The following SLC15A1 variants were observed in gnomAD, a reference collection of about 807,000 sequenced individuals.
SLC15A1 encodes the protein Caco-2 oligopeptide transporter.
Under a neutral mutation model 92.9 loss-of-function variants are expected in SLC15A1, and 83 were observed. The ratio of observed to expected loss-of-function variants is 0.89; its 90% CI spans 0.75 to 1.07. The LOEUF is 1.07. Among genes scored for constraint, SLC15A1 ranks in the 50% least tolerant of loss-of-function variants. The probability of loss-of-function intolerance (pLI) is 0.00; values close to 1 mark genes in which losing one functional copy is unlikely to be tolerated. For missense variants in SLC15A1, 857 were observed against 880.1 expected, an observed-to-expected ratio of 0.97 and a Z score of 0.33; for synonymous variants, 322 against 318.2, an observed-to-expected ratio of 1.01 and a Z score of -0.13.
At chr13:98,728,976 GTAA>G (rs1338385903) in intron 1 of SLC15A1, among the ~76,000 whole-genome samples, 2 of 7,416 alleles carry the variant, frequency 2.7e-4, no homozygotes, top group African/African-American at 7.4e-4. Flanking sequence ...GTAAGGCTCT[GTAA>G]AAAAAAAAAA....
chr13:98,708,967 CTT>C (rs61087152), intron 14 of SLC15A1, among the ~76,000 whole-genome samples, 200 bp from the exon 15 acceptor site: 102 of 126,670 alleles, frequency 8.1e-4, no homozygotes, highest in Non-Finnish European at 8.2e-4. Flanking sequence ...TGCATATTTA[CTT>C]TTTTTTTTTT....
At position 98,742,850 on chromosome 13, in the gene SLC15A1, A is replaced by G. The variant is rs575713034; in HGVS notation, c.4+9745T>C. Among the ~76,000 whole-genome samples the G allele has an allele frequency of 2.5e-3, 387 of 152,310 alleles. 2 individuals are homozygous for G. The highest frequency in any genetic ancestry group is 3.2e-3 in the Non-Finnish European group (216 of 68,024). ...CAGTGCAGTGGCACGATCATAGCTC[A>G]CTGCAGCCTTGAACTCCTGGGCTCA... On this transcript the variant is annotated intron_variant, in intron 1 of 22. Transcript: ENST00000376503.
At position 98,684,273 on chromosome 13, in the gene SLC15A1, C is replaced by A. The variant is rs910883447; in HGVS notation, c.*451G>T. ...TTAGAAAATAGCGTTCACGGCCGGG[C>A]GCGGTAGCTCAAGCCTGTAATCCCA... On this transcript the variant is annotated 3_prime_UTR_variant, in exon 23 of 23. Coordinates refer to ENST00000376503, the MANE Select transcript of SLC15A1 (RefSeq NM_005073.4). The A allele has an allele frequency of 1.9e-5, 3 of 155,734 alleles. No homozygotes were observed. The highest frequency in any genetic ancestry group is 7.3e-5 in the African/African-American group (3 of 41,372). 9.6% of individuals were successfully genotyped at this position (155,734 alleles called of 1,614,324 possible).
chr13:98,733,408 T>C (rs1047888232), intron 1 of SLC15A1, among the ~76,000 whole-genome samples: 6 of 152,350 alleles, frequency 3.9e-5, no homozygotes, highest in African/African-American at 1.4e-4. Flanking sequence ...TCTTTATTAA[T>C]TTTTTCCTAA....
Position 98,684,545 on chromosome 13 carries a change from C to CAAAAAAAAAAAA in SLC15A1, c.*167_*178dup, listed in dbSNP as rs4646233. On this transcript the variant is annotated 3_prime_UTR_variant, in exon 23 of 23. Coordinates refer to ENST00000376503, the MANE Select transcript of SLC15A1 (RefSeq NM_005073.4). Reference sequence around the variant, plus strand: ...GGACAACAAGAGCAAAACTCTGTCTCAAAAAAAAAAAAAAAAAAAAAAAGA... The same window carrying CAAAAAAAAAAAA: ...GGACAACAAGAGCAAAACTCTGTCTCAAAAAAAAAAAAAAAAAAAAAAAAAAAAAAAAAAAGA... 1.2e-4 allele frequency: 24 copies of CAAAAAAAAAAAA among 193,286 alleles called. No homozygotes were observed. The highest frequency in any genetic ancestry group is 2.3e-4 in the African/African-American group (5 of 21,674). The allele number at this position is 193,286 out of a possible 1,614,324, so 12.0% of individuals were successfully genotyped here.
At chr13:98,694,424 A>AT (rs1050733005) in intron 18 of SLC15A1, among the ~76,000 whole-genome samples, 2 of 152,112 alleles carry the variant, frequency 1.3e-5, no homozygotes, top group African/African-American at 2.4e-5. Context: ...CTTTATATTT[A>AT]TTTTTTGCAT....
intron 1 of SLC15A1, among the ~76,000 whole-genome samples, chr13:98,751,937 G>C (rs2139620156): frequency 6.6e-6 from 1 of 152,320 alleles, no homozygotes; most frequent in South Asian, 2.1e-4. Flanking sequence ...CTCTGCTTCC[G>C]TTCATTCTCT....
chr13:98,736,937 A>T (rs2088399701), intron 1 of SLC15A1, among the ~76,000 whole-genome samples: 1 of 152,224 alleles, frequency 6.6e-6, no homozygotes, highest in Non-Finnish European at 1.5e-5. Flanking sequence ...CAGTGTGGCA[A>T]TTCCTCAAGG....
Position 98,748,707 on chromosome 13 carries a change from T to C in SLC15A1, c.4+3888A>G, listed in dbSNP as rs553674452. Among the ~76,000 whole-genome samples, 3 of 152,226 alleles carry C rather than the reference T, an allele frequency of 2.0e-5. No individual in the cohort carries two copies. The East Asian group carries it at 5.8e-4, about 29-fold the overall frequency. ...CACATGGACAAGCCAGGGCCCAGACTGTACTAGACCTTCCCACAGCCTAAT... is the reference window on the plus strand; with the variant it reads ...CACATGGACAAGCCAGGGCCCAGACCGTACTAGACCTTCCCACAGCCTAAT... On this transcript the variant is annotated intron_variant, in intron 1 of 22. Coordinates refer to ENST00000376503, the MANE Select transcript of SLC15A1 (RefSeq NM_005073.4).
chr13:98,732,410 A>C (rs984873056), intron 1 of SLC15A1, among the ~76,000 whole-genome samples: 1 of 152,026 alleles, frequency 6.6e-6, no homozygotes, highest in East Asian at 1.9e-4. Flanking sequence ...TTGCTAAATA[A>C]TTTGATGAAA....
chr13:98,694,787 G>T (rs1375484460), intron 18 of SLC15A1, among the ~76,000 whole-genome samples: 2 of 152,142 alleles, frequency 1.3e-5, no homozygotes, highest in Non-Finnish European at 2.9e-5. Flanking sequence ...AGCACTTTGG[G>T]AAGCTGAGGC....
chr13:98,739,304 G>A (rs938851492), intron 1 of SLC15A1, among the ~76,000 whole-genome samples: 1 of 152,186 alleles, frequency 6.6e-6, no homozygotes. Flanking sequence ...GGGATTATTG[G>A]GAAGGCATGC....
chr13:98,752,183 T>A (rs186716689), intron 1 of SLC15A1, among the ~76,000 whole-genome samples: 65 of 152,296 alleles, frequency 4.3e-4, no homozygotes, highest in Non-Finnish European at 7.9e-4. Context: ...CAGGGTCACC[T>A]CGCCAGCCAG....
intron 1 of SLC15A1, among the ~76,000 whole-genome samples, chr13:98,747,006 A>G (rs1210342755): frequency 6.6e-6 from 1 of 152,086 alleles, no homozygotes; most frequent in Non-Finnish European, 1.5e-5. Context: ...CAAAAACCAG[A>G]GGGGCCGAGA....
At chr13:98,747,885 A>G (rs1457224915) in intron 1 of SLC15A1, among the ~76,000 whole-genome samples, 2 of 152,194 alleles carry the variant, frequency 1.3e-5, no homozygotes, top group Non-Finnish European at 2.9e-5. Flanking sequence ...ATCTCAAAAA[A>G]CAAATGAACA....
At chr13:98,735,925 TTTATAGATTCAA>T (rs1222935047) in intron 1 of SLC15A1, among the ~76,000 whole-genome samples, 2 of 152,152 alleles carry the variant, frequency 1.3e-5, no homozygotes, top group Non-Finnish European at 2.9e-5. Context: ...CCCAAGGTAA[TTTATAGATTCAA>T]TGCCATCCCC....
chr13:98,733,543 T>C lies in SLC15A1; in HGVS notation c.5-6684A>G, dbSNP rs574256019. Among the ~76,000 whole-genome samples the C allele has an allele frequency of 7.2e-5, 11 of 152,090 alleles. 1 individual carries two copies. In the South Asian group the frequency reaches 2.3e-3, roughly 32 times the overall value. Reference sequence around the variant, plus strand: ...GTTTCCTAAGCCAAGGGTAAAGGAGTAAAGTAGACAAAGTTGGTCCCACAA... The same window carrying C: ...GTTTCCTAAGCCAAGGGTAAAGGAGCAAAGTAGACAAAGTTGGTCCCACAA... On this transcript the variant is annotated intron_variant, in intron 1 of 22. Transcript: ENST00000376503.
Position 98,684,369 on chromosome 13 carries a change from A to C in SLC15A1, c.*355T>G, listed in dbSNP as rs1389580610. On this transcript the variant is annotated 3_prime_UTR_variant, in exon 23 of 23. Transcript: ENST00000376503. ...GAGACCATCCTGGCCAACATGGTGA[A>C]ACCCCATCTCTACTAAAAATACAAA... 5.8e-6 allele frequency: 1 copy of C among 171,238 alleles called. No homozygotes were observed. Among genetic ancestry groups the C allele is most frequent in the Non-Finnish European group, 1.3e-5 (1 of 79,424 alleles). 10.6% of individuals were successfully genotyped at this position (171,238 alleles called of 1,614,324 possible). A position where few individuals can be genotyped will look rare whatever the true frequency, so the allele number is the denominator to read the frequency against.
chr13:98,730,216 GAGGGGAAGGGA>G (rs758457434), intron 1 of SLC15A1, among the ~76,000 whole-genome samples: 13,795 of 74,088 alleles, frequency 0.19, 3,961 homozygotes, highest in African/African-American at 0.23. Context: ...AAAAGGAAGG[GAGGGGAAGGGA>G]AGGGGAAGGG....
Sources: gnomAD v4.1 joint callset for allele counts (sites outside exome capture counted in the v4.1 genomes callset) on GRCh38, gnomAD v4.1.1 for gene constraint, MANE v1.5 for transcripts, NCBI Gene and HGNC (gene_info 2026-07-23, HGNC 2026-07-21) for gene names.